The following PMS1 variants were observed in gnomAD, a reference collection of about 807,000 sequenced individuals.
PMS1 encodes the protein PMS1 protein homolog 1.
Under a neutral mutation model 93.1 loss-of-function variants are expected in PMS1, and 79 were observed. The observed-to-expected ratio is 0.85, with a 90% CI of 0.71 to 1.02. The LOEUF (loss-of-function observed/expected upper bound fraction) is 1.02, where lower values mean the gene tolerates loss of function less well. PMS1 is among the 50% of genes least tolerant of loss of function. The probability of loss-of-function intolerance (pLI) is 0.00; values close to 1 mark genes in which losing one functional copy is unlikely to be tolerated. For missense variants in PMS1, 1,064 were observed against 1,085.3 expected (o/e 0.98, Z 0.28); for synonymous variants, 335 against 363.4 (o/e 0.92, Z 0.89).
At chr2:189,860,371 T>C (rs896732496) in intron 9 of PMS1, among the ~76,000 whole-genome samples, 6 of 152,186 alleles carry the variant, frequency 3.9e-5, no homozygotes, top group Admixed American at 3.3e-4. Flanking sequence ...CAAAGATATT[T>C]TTGTGACTCA....
At chr2:189,788,621 T>C (rs1338184222) in intron 1 of PMS1, among the ~76,000 whole-genome samples, 2 of 152,210 alleles carry the variant, frequency 1.3e-5, no homozygotes, top group Non-Finnish European at 2.9e-5. Flanking sequence ...TTAAATTTTC[T>C]AGTAGTCACA....
intron 5 of PMS1, among the ~76,000 whole-genome samples, chr2:189,840,249 T>C (rs1575213493): frequency 1.3e-5 from 2 of 152,180 alleles, no homozygotes; most frequent in East Asian, 3.9e-4. Context: ...ATGTTATTTC[T>C]GGACAAAAAA....
At chr2:189,851,014 A>G (rs1472268165) in intron 6 of PMS1, among the ~76,000 whole-genome samples, 1 of 152,180 alleles carries the variant, frequency 6.6e-6, no homozygotes, top group Non-Finnish European at 1.5e-5. Flanking sequence ...TGGGTACAGA[A>G]TTTTGTAAAG....
Position 189,854,790 on chromosome 2 carries a change from T to G in PMS1, c.1518T>G (p.Asn506Lys). The change falls in exon 9 of 13, where the codon AAT becomes AAG. Residue 506 changes from asparagine (N) to lysine (K), a missense_variant. Physicochemically the swap from Asn to Lys is moderately conservative, Grantham distance 94. Transcript: ENST00000441310. ...GGAGCAGGGGAAATATACTTAAAAA[T>G]TCAGTGGGAGAGAATATTGAACCTG... ...DEWSRGNILK[N>K]SVGENIEPVK... 1 of 1,613,548 alleles carries G rather than the reference T, an allele frequency of 6.2e-7. No individual in the cohort carries two copies.
chr2:189,795,058 A>G (rs1408563085), intron 2 of PMS1, among the ~76,000 whole-genome samples: 1 of 152,186 alleles, frequency 6.6e-6, no homozygotes, highest in Non-Finnish European at 1.5e-5. Flanking sequence ...TGATCATGCC[A>G]CTGTACTGTA....
intron 4 of PMS1, among the ~76,000 whole-genome samples, chr2:189,816,904 T>C (rs1252738259): frequency 6.6e-6 from 1 of 152,200 alleles, no homozygotes; most frequent in East Asian, 1.9e-4. Flanking sequence ...TGACATAATA[T>C]TTATCCTAAC....
At chr2:189,788,855 A>G (rs1045377565) in intron 1 of PMS1, among the ~76,000 whole-genome samples, 2 of 152,178 alleles carry the variant, frequency 1.3e-5, no homozygotes, top group African/African-American at 2.4e-5. Flanking sequence ...GATGGCTACC[A>G]TATTGGACAG....
At chr2:189,840,038 A>G (rs1313602950) in intron 5 of PMS1, among the ~76,000 whole-genome samples, 1 of 152,196 alleles carries the variant, frequency 6.6e-6, no homozygotes, top group Non-Finnish European at 1.5e-5. Context: ...TAGAAATGCA[A>G]TATACACATT....
At chr2:189,793,836 A>T (rs995685167) in intron 2 of PMS1, among the ~76,000 whole-genome samples, 5 of 152,324 alleles carry the variant, frequency 3.3e-5, no homozygotes, top group Non-Finnish European at 2.9e-5. Flanking sequence ...CTGTTTCATT[A>T]TGGTTTTATG....
Position 189,854,692 on chromosome 2 carries a change from C to CATT in PMS1, c.1422_1423insTAT (p.His474_Ile475insTyr). The CATT allele has an allele frequency of 6.2e-7, 1 of 1,613,656 alleles. No individual in the cohort carries two copies. The highest frequency in any genetic ancestry group is 8.5e-7 in the Non-Finnish European group (1 of 1,179,798). On this transcript the variant is annotated inframe_insertion, in exon 9 of 13. Transcript: ENST00000441310. ...CCAGTCAGAAAATGGCAATAAAGACCATATAGATGAGAGTGGGGAAAATGA... is the reference window on the plus strand; with the variant it reads ...CCAGTCAGAAAATGGCAATAAAGACCATTATATAGATGAGAGTGGGGAAAATGA...
chr2:189,872,054 G>T (rs2057195300), intron 11 of PMS1, among the ~76,000 whole-genome samples: 1 of 151,968 alleles, frequency 6.6e-6, no homozygotes, highest in Admixed American at 6.6e-5. Context: ...TGATGGATCT[G>T]CCCCATGACC....
chr2:189,792,937 A>G (rs1237556876), intron 2 of PMS1, among the ~76,000 whole-genome samples: 3 of 151,658 alleles, frequency 2.0e-5, no homozygotes, highest in Non-Finnish European at 2.9e-5. Context: ...AGCCTCCTGA[A>G]TAGCTGGGAT....
At chr2:189,798,173 T>G (rs2049531377) in intron 3 of PMS1, among the ~76,000 whole-genome samples, 1 of 152,222 alleles carries the variant, frequency 6.6e-6, no homozygotes, top group African/African-American at 2.4e-5. Flanking sequence ...GCTTATCCAC[T>G]GCTTTCTACT....
chr2:189,827,992 C>T (rs1356924131), intron 5 of PMS1, among the ~76,000 whole-genome samples: 1 of 151,314 alleles, frequency 6.6e-6, no homozygotes, highest in Non-Finnish European at 1.5e-5. Context: ...GGTGTGATCT[C>T]GGCTCACTGC....
At position 189,818,192 on chromosome 2, in the gene PMS1, T is replaced by C; in HGVS notation, c.582+12T>C. On this transcript the variant is annotated intron_variant, in intron 5 of 12. Transcript: ENST00000441310. ...TTGTACATAACAAGGTAAACATTATTTTATCTTTATAAGTTTCTGGGTATA... is the reference window on the plus strand; with the variant it reads ...TTGTACATAACAAGGTAAACATTATCTTATCTTTATAAGTTTCTGGGTATA... 6.5e-7 allele frequency: 1 copy of C among 1,527,974 alleles called. No homozygotes were observed. The highest frequency in any genetic ancestry group is 1.1e-5 in the South Asian group (1 of 88,530). 94.7% of individuals were successfully genotyped at this position (1,527,974 alleles called of 1,614,324 possible).
chr2:189,864,665 A>C (rs1475029224), intron 10 of PMS1, among the ~76,000 whole-genome samples: 14 of 29,816 alleles, frequency 4.7e-4, no homozygotes, highest in African/African-American at 2.0e-3. Context: ...CAGAAAAAAA[A>C]AAAAAAAAAA....
At chr2:189,844,283 G>A (rs1458051930) in intron 6 of PMS1, among the ~76,000 whole-genome samples, 1 of 152,018 alleles carries the variant, frequency 6.6e-6, no homozygotes, top group Non-Finnish European at 1.5e-5. Context: ...TCTGTTTGTT[G>A]CTTACATTGA....
intron 5 of PMS1, among the ~76,000 whole-genome samples, chr2:189,826,627 T>C (rs115487410): frequency 6.6e-6 from 1 of 152,122 alleles, no homozygotes; most frequent in East Asian, 1.9e-4. Flanking sequence ...CTATTAGGAG[T>C]CTCTGAAGTC....
intron 5 of PMS1, among the ~76,000 whole-genome samples, chr2:189,822,936 C>T (rs2052065728): frequency 6.6e-6 from 1 of 152,114 alleles, no homozygotes; most frequent in Non-Finnish European, 1.5e-5. Flanking sequence ...GCAGAGTGAC[C>T]TCCATAAATA....
Sources: gnomAD v4.1 joint callset for allele counts (sites outside exome capture counted in the v4.1 genomes callset) on GRCh38, gnomAD v4.1.1 for gene constraint, MANE v1.5 for transcripts, NCBI Gene and HGNC (gene_info 2026-07-23, HGNC 2026-07-21) for gene names.